The following PDCL3 variants were observed in gnomAD, a reference collection of about 807,000 sequenced individuals.
PDCL3 encodes the protein phosducin-like protein 3.
PDCL3 carries 22 observed loss-of-function variants against 26.5 expected under a neutral mutation model. The ratio of observed to expected loss-of-function variants is 0.83; its 90% CI spans 0.59 to 1.19. The LOEUF is 1.19. Ranked by LOEUF, PDCL3 falls within the 50% of genes most tolerant of loss-of-function variation. The pLI, the probability that PDCL3 is intolerant of heterozygous loss-of-function variation, is 0.00. For synonymous variants in PDCL3, 81 were observed against 104.9 expected (o/e 0.77, Z 1.39); for missense variants, 246 against 294.1 (o/e 0.84, Z 1.20).
At chr2:100,566,248 C>G (rs1007514001) in intron 1 of PDCL3, among the ~76,000 whole-genome samples, 2 of 152,140 alleles carry the variant, frequency 1.3e-5, no homozygotes, top group East Asian at 3.9e-4. Flanking sequence ...AAGTCAGAGC[C>G]TTGGTATCCG....
chr2:100,567,567 C>T (rs1452740273), intron 2 of PDCL3, among the ~76,000 whole-genome samples: 1 of 152,060 alleles, frequency 6.6e-6, no homozygotes, highest in Non-Finnish European at 1.5e-5. Flanking sequence ...CTGAAGAACA[C>T]ATTTGAATAG....
At chr2:100,573,029 C>T (rs902095573) in intron 5 of PDCL3, among the ~76,000 whole-genome samples, 2 of 151,642 alleles carry the variant, frequency 1.3e-5, no homozygotes, top group African/African-American at 2.4e-5. Flanking sequence ...GGATTACAGG[C>T]GCCCACCACC....
intron 5 of PDCL3, among the ~76,000 whole-genome samples, chr2:100,573,671 C>CAA (rs67667967): frequency 8.6e-5 from 9 of 104,900 alleles, no homozygotes; most frequent in South Asian, 6.4e-4. Context: ...AACTCTATCT[C>CAA]AAAAAAAAAA....
intron 5 of PDCL3, among the ~76,000 whole-genome samples, chr2:100,575,779 G>A (rs1675274641): frequency 6.6e-6 from 1 of 152,188 alleles, no homozygotes; most frequent in African/African-American, 2.4e-5. Context: ...TGAGGCTGAA[G>A]AGTTTATTAA....
chr2:100,568,919 A>G lies in PDCL3; in HGVS notation c.134-12A>G, dbSNP rs761369598. On this transcript the variant is annotated splice_polypyrimidine_tract_variant and intron_variant, in intron 2 of 5. Coordinates refer to ENST00000264254, the MANE Select transcript of PDCL3 (RefSeq NM_024065.5). Reference sequence around the variant, plus strand: ...TTAAATTTTTGCTTTTTGCCAATGTAACCAAATTCAGTGAAAACATATGAA... The same window carrying G: ...TTAAATTTTTGCTTTTTGCCAATGTGACCAAATTCAGTGAAAACATATGAA... The G allele has an allele frequency of 3.1e-6, 5 of 1,607,262 alleles. No individual in the cohort carries two copies. In the South Asian group the frequency reaches 5.6e-5, roughly 18 times the overall value.
chr2:100,575,292 T>C (rs28583939), intron 5 of PDCL3, among the ~76,000 whole-genome samples: 2,039 of 152,238 alleles, frequency 0.013, 36 homozygotes, highest in African/African-American at 0.041. Flanking sequence ...CCTGCCACCA[T>C]GCCTGGCTAA....
chr2:100,565,627 C>A (rs1675046991), intron 1 of PDCL3, among the ~76,000 whole-genome samples: 1 of 152,148 alleles, frequency 6.6e-6, no homozygotes, highest in Non-Finnish European at 1.5e-5. Flanking sequence ...TTTCCACCCT[C>A]AGACGGAATG....
intron 5 of PDCL3, among the ~76,000 whole-genome samples, chr2:100,573,082 A>G (rs1573283322): frequency 7.0e-6 from 1 of 143,426 alleles, no homozygotes; most frequent in East Asian, 2.3e-4. Context: ...ACAGGTTTTC[A>G]CCATGTTGGC....
intron 1 of PDCL3, among the ~76,000 whole-genome samples, chr2:100,566,280 C>T (rs1675058080): frequency 6.6e-6 from 1 of 152,124 alleles, no homozygotes; most frequent in Non-Finnish European, 1.5e-5. Context: ...ATCTGCACTC[C>T]CTATCCTAAT....
chr2:100,570,964 G>A (rs2104394908), intron 4 of PDCL3, among the ~76,000 whole-genome samples: 1 of 152,126 alleles, frequency 6.6e-6, no homozygotes, highest in African/African-American at 2.4e-5. Context: ...CAGCATATTA[G>A]GAAGTTTTTA....
At chr2:100,570,034 C>T (rs1371151185) in intron 4 of PDCL3, among the ~76,000 whole-genome samples, 3 of 152,060 alleles carry the variant, frequency 2.0e-5, no homozygotes, top group African/African-American at 4.8e-5. Flanking sequence ...GGCATGAACC[C>T]GGGAGGCGGA....
chr2:100,570,514 C>G (rs1337997900), intron 4 of PDCL3, among the ~76,000 whole-genome samples: 1 of 149,682 alleles, frequency 6.7e-6, no homozygotes, highest in Non-Finnish European at 1.5e-5. Context: ...AGTCTCACTC[C>G]ATTGACCAGG....
At chr2:100,565,736 A>G (rs911287768) in intron 1 of PDCL3, among the ~76,000 whole-genome samples, 8 of 151,996 alleles carry the variant, frequency 5.3e-5, no homozygotes, top group South Asian at 2.1e-4. Flanking sequence ...ACTTGCCACA[A>G]TTTTATCTCT....
In PDCL3 at chr2:100,564,102, C is replaced by A. The variant is rs187425315; in HGVS notation, c.6+1029C>A. 1.9e-3 allele frequency among the ~76,000 whole-genome samples: 281 copies of A among 151,218 alleles called. 1 individual carries two copies. Among genetic ancestry groups the A allele is most frequent in the African/African-American group, 6.5e-3 (267 of 41,200 alleles). ...TAATTTTTTGTGCAGATGGGGTCTCCCTATGTTGCCCAGCCTCAGCCTCCC... is the reference window on the plus strand; with the variant it reads ...TAATTTTTTGTGCAGATGGGGTCTCACTATGTTGCCCAGCCTCAGCCTCCC... On this transcript the variant is annotated intron_variant, in intron 1 of 5. Coordinates refer to ENST00000264254, the MANE Select transcript of PDCL3 (RefSeq NM_024065.5).
In PDCL3 at chr2:100,563,021, G is replaced by C. The variant is rs746043855; in HGVS notation, c.-47G>C. The C allele has an allele frequency of 2.5e-5, 40 of 1,584,316 alleles. No individual in the cohort carries two copies. The Middle Eastern group carries it at 5.3e-4, about 21-fold the overall frequency. Reference sequence around the variant, plus strand: ...CGTGCACAAAAGAGAGCTGAGGGGCGGGGGCGCTGCGGCACAGCTGGTTTG... The same window carrying C: ...CGTGCACAAAAGAGAGCTGAGGGGCCGGGGCGCTGCGGCACAGCTGGTTTG... On this transcript the variant is annotated 5_prime_UTR_variant, in exon 1 of 6. Coordinates refer to ENST00000264254, the MANE Select transcript of PDCL3 (RefSeq NM_024065.5).
chr2:100,564,550 C>T (rs986649341), intron 1 of PDCL3, among the ~76,000 whole-genome samples: 4 of 152,084 alleles, frequency 2.6e-5, no homozygotes, highest in African/African-American at 7.2e-5. Context: ...CCCGCCTAGG[C>T]CTTCCAAAGT....
Position 100,563,048 on chromosome 2 carries a change from G to A in PDCL3, c.-20G>A. 11 of 1,601,848 alleles carry A rather than the reference G, an allele frequency of 6.9e-6. No homozygotes were observed. The highest frequency in any genetic ancestry group is 9.4e-6 in the Non-Finnish European group (11 of 1,174,792). On this transcript the variant is annotated 5_prime_UTR_variant, in exon 1 of 6. Coordinates refer to ENST00000264254, the MANE Select transcript of PDCL3 (RefSeq NM_024065.5). ...GGGCGCTGCGGCACAGCTGGTTTGA[G>A]CAACTGAACTGGAAACAAGATGCAG...
intron 5 of PDCL3, 21 bp from the exon 6 acceptor site, chr2:100,576,333 T>C (rs1675283653): frequency 6.2e-7 from 1 of 1,612,576 alleles, no homozygotes; most frequent in Non-Finnish European, 8.5e-7. Flanking sequence ...TTAGGCAATT[T>C]GCTTTTTCTT....
chr2:100,564,782 C>A (rs996181075), intron 1 of PDCL3, among the ~76,000 whole-genome samples: 3 of 152,198 alleles, frequency 2.0e-5, no homozygotes, highest in African/African-American at 7.2e-5. Context: ...CTAAGAGCCA[C>A]TTTTACATCA....
Sources: allele counts gnomAD v4.1 joint callset (sites outside exome capture counted in the v4.1 genomes callset), GRCh38; gene constraint gnomAD v4.1.1; transcripts MANE v1.5; gene names NCBI Gene and HGNC (gene_info 2026-07-23, HGNC 2026-07-21).